STX8: variants seen among roughly 807,000 people sequenced by gnomAD.
The protein encoded by STX8 is syntaxin 8.
STX8 carries 23 observed loss-of-function variants against 37.5 expected under a neutral mutation model. The ratio of observed to expected loss-of-function variants is 0.61; its 90% CI spans 0.44 to 0.87. The LOEUF (loss-of-function observed/expected upper bound fraction) is 0.87, where lower values mean the gene tolerates loss of function less well. STX8 is among the 40% of genes least tolerant of loss of function. The probability of loss-of-function intolerance (pLI) is 0.00; values close to 1 mark genes in which losing one functional copy is unlikely to be tolerated. For synonymous variants in STX8, 115 were observed against 99.1 expected (o/e 1.16, Z -0.95); for missense variants, 313 against 284.7 (o/e 1.10, Z -0.71).
At chr17:9,570,165 T>A (rs1907627442) in intron 1 of STX8, among the ~76,000 whole-genome samples, 1 of 152,100 alleles carries the variant, frequency 6.6e-6, no homozygotes, top group African/African-American at 2.4e-5. Context: ...AACCTTTCAA[T>A]TCCCACATAT....
chr17:9,428,011 C>G (rs1297846992), intron 6 of STX8, among the ~76,000 whole-genome samples: 1 of 152,162 alleles, frequency 6.6e-6, no homozygotes, highest in African/African-American at 2.4e-5. Flanking sequence ...CTGACTCGTG[C>G]TATGGACCCA....
Position 9,332,311 on chromosome 17 carries a change from C to G in STX8, c.643+46241G>C, listed in dbSNP as rs949149466. ...GGGAGAATGACTCAGAGGCAGAGAT[C>G]TCATCATTTCCCCCTCATCCAAAAC... On this transcript the variant is annotated intron_variant, in intron 7 of 7. Coordinates refer to ENST00000306357, the MANE Select transcript of STX8 (RefSeq NM_004853.3). Among the ~76,000 whole-genome samples, 3 of 152,180 alleles carry G rather than the reference C, an allele frequency of 2.0e-5. No homozygotes were observed. In the East Asian group the frequency reaches 5.8e-4, roughly 29 times the overall value.
At chr17:9,444,844 A>G (rs1904783336) in intron 6 of STX8, among the ~76,000 whole-genome samples, 1 of 152,194 alleles carries the variant, frequency 6.6e-6, no homozygotes, top group African/African-American at 2.4e-5. Flanking sequence ...ACCCCGGAAA[A>G]GAATTGAAAC....
chr17:9,349,662 C>G (rs1009185641), intron 7 of STX8, among the ~76,000 whole-genome samples: 31 of 152,058 alleles, frequency 2.0e-4, no homozygotes, highest in African/African-American at 7.5e-4. Flanking sequence ...AAGAGATTAA[C>G]AACCATAACT....
At chr17:9,530,780 A>G (rs73252108) in intron 4 of STX8, among the ~76,000 whole-genome samples, 7,064 of 152,244 alleles carry the variant, frequency 0.046, 593 homozygotes, top group African/African-American at 0.16. Flanking sequence ...TCTTTCAATC[A>G]TTGTGGTATC....
intron 6 of STX8, among the ~76,000 whole-genome samples, chr17:9,482,249 AT>A (rs148086656): frequency 5.3e-5 from 8 of 150,040 alleles, no homozygotes; most frequent in Admixed American, 1.3e-4. Flanking sequence ...CACCTACAGA[AT>A]TTTTTTTTTG....
chr17:9,347,685 T>G (rs1910579091), intron 7 of STX8, among the ~76,000 whole-genome samples: 1 of 152,072 alleles, frequency 6.6e-6, no homozygotes, highest in Non-Finnish European at 1.5e-5. Flanking sequence ...CCCAGCTAAT[T>G]TTTGTATTTT....
At position 9,507,039 on chromosome 17, in the gene STX8, A is replaced by G. The variant is rs145168482; in HGVS notation, c.324-1877T>C. On this transcript the variant is annotated intron_variant, in intron 4 of 7. Transcript: ENST00000306357. This position sits in a 1 kb window ranked among gnomAD's most constrained non-coding sequence, Gnocchi z 4.0. ...ACCCTCTGCACTTTCAGCCACAGAA[A>G]CAGTCCCACCCAGGGCAAACCCACT... Among the ~76,000 whole-genome samples, 1 of 152,062 alleles carries G rather than the reference A, an allele frequency of 6.6e-6. No homozygotes were observed. The highest frequency in any genetic ancestry group is 2.4e-5 in the African/African-American group (1 of 41,458).
intron 4 of STX8, among the ~76,000 whole-genome samples, chr17:9,518,880 A>AG (rs1339175624): frequency 6.6e-6 from 1 of 152,024 alleles, no homozygotes; most frequent in Non-Finnish European, 1.5e-5. Context: ...AAAAAAAAAA[A>AG]AAAAGAATAA....
rs181251835 is a variant in STX8, at chr17:9,427,100, G to C, written c.542-48447C>G. On this transcript the variant is annotated intron_variant, in intron 6 of 7. Coordinates refer to ENST00000306357, the MANE Select transcript of STX8 (RefSeq NM_004853.3). Reference sequence around the variant, plus strand: ...AGAGAGTTGCTATCTAGAGGCTTCTGGGTATTCCCCAATTTGCAAAGAGAA... The same window carrying C: ...AGAGAGTTGCTATCTAGAGGCTTCTCGGTATTCCCCAATTTGCAAAGAGAA... 7.2e-5 allele frequency among the ~76,000 whole-genome samples: 11 copies of C among 152,224 alleles called. No homozygotes were observed. In the East Asian group the frequency reaches 1.5e-3, roughly 21 times the overall value.
intron 6 of STX8, among the ~76,000 whole-genome samples, chr17:9,431,368 C>T (rs899612285): frequency 2.0e-5 from 3 of 151,322 alleles, no homozygotes; most frequent in African/African-American, 7.3e-5. Context: ...TGCGCCTGGC[C>T]TTTGGCTCAT....
chr17:9,388,050 T>A (rs1351819702), intron 6 of STX8, among the ~76,000 whole-genome samples: 1 of 151,858 alleles, frequency 6.6e-6, no homozygotes, highest in Non-Finnish European at 1.5e-5. Flanking sequence ...CTTTATTAGT[T>A]GTTGTTTCTA....
At chr17:9,560,617 G>A (rs1353318377) in intron 2 of STX8, among the ~76,000 whole-genome samples, 1 of 152,024 alleles carries the variant, frequency 6.6e-6, no homozygotes, top group Non-Finnish European at 1.5e-5. Context: ...AGAAACAAAA[G>A]GAAACGCTCA....
chr17:9,454,185 C>A (rs921269889), intron 6 of STX8, among the ~76,000 whole-genome samples: 4 of 152,154 alleles, frequency 2.6e-5, no homozygotes, highest in Non-Finnish European at 5.9e-5. Flanking sequence ...CTAAGGTCCC[C>A]AGTGGATGCC....
intron 6 of STX8, among the ~76,000 whole-genome samples, chr17:9,447,992 C>A (rs191890688): frequency 6.6e-6 from 1 of 151,854 alleles, no homozygotes; most frequent in Admixed American, 6.6e-5. Flanking sequence ...GCTTGGCCAG[C>A]ATCATCAAAC....
intron 7 of STX8, among the ~76,000 whole-genome samples, chr17:9,361,824 T>C (rs1355002553): frequency 6.6e-6 from 1 of 152,210 alleles, no homozygotes; most frequent in Middle Eastern, 3.2e-3. Context: ...GAAGGTAATC[T>C]GATATTTGAA....
chr17:9,369,385 C>G (rs1178348873), intron 7 of STX8, among the ~76,000 whole-genome samples: 1 of 152,090 alleles, frequency 6.6e-6, no homozygotes, highest in Admixed American at 6.6e-5. Context: ...AAAACAATAG[C>G]CAGATAGAAA....
At chr17:9,319,370 G>C (rs1198013313) in intron 7 of STX8, among the ~76,000 whole-genome samples, 1 of 152,114 alleles carries the variant, frequency 6.6e-6, no homozygotes, top group Non-Finnish European at 1.5e-5. Context: ...AGTGAGCCGA[G>C]ATTGTGCCAC....
intron 5 of STX8, among the ~76,000 whole-genome samples, chr17:9,492,331 T>TA (rs1403751166): frequency 5.9e-5 from 9 of 152,126 alleles, no homozygotes; most frequent in African/African-American, 2.2e-4. Flanking sequence ...AAAATACAAA[T>TA]AAAAAACTAC....
Sources: gnomAD v4.1 joint callset for allele counts (sites outside exome capture counted in the v4.1 genomes callset) on GRCh38, gnomAD v4.1.1 for gene constraint, Gnocchi (gnomAD v3.1) non-coding constraint, MANE v1.5 for transcripts, NCBI Gene and HGNC (gene_info 2026-07-23, HGNC 2026-07-21) for gene names.